The following CTC1 variants were observed in gnomAD, a reference collection of about 807,000 sequenced individuals.
CTC1 encodes CST telomere replication complex component 1.
Under a neutral mutation model 136.3 loss-of-function variants are expected in CTC1, and 91 were observed. That is an observed-to-expected ratio of 0.67 (90% CI 0.56 to 0.79). CTC1 has a LOEUF of 0.79. Ranked by LOEUF, CTC1 falls within the 30% of genes least tolerant of loss-of-function variation. CTC1 has a pLI of 0.00. For missense variants in CTC1, 1,432 were observed against 1,498.1 expected (o/e 0.96, Z 0.73); for synonymous variants, 606 against 613.8 (o/e 0.99, Z 0.19).
chr17:8,231,856 G>A (rs1841030856), intron 13 of CTC1, 41 bp from the exon 14 acceptor site: 1 of 1,613,176 alleles, frequency 6.2e-7, no homozygotes, highest in African/African-American at 1.3e-5. Context: ...CCTAGCCAGA[G>A]GCTCAGGGCG....
rs779283535 is a variant in CTC1 at position 8,235,217 on chromosome 17, G to A, written c.1275C>T (p.Leu425=). 3 of 1,614,146 alleles carry A rather than the reference G, an allele frequency of 1.9e-6. No homozygotes were observed. The highest frequency in any genetic ancestry group is 2.5e-6 in the Non-Finnish European group (3 of 1,180,028). The stretch of plus-strand genomic sequence containing the variant: ...AGCTTTGAAGCAGAACGGCGCCACG[G>A]AGGCAGGGGGCGAGCACTGGCCTTC... The part of the protein sequence containing the change: ...GTRRPVLAPC[L]RGAVLLQSFS... Residue 425 remains leucine, a synonymous_variant, in exon 8 of 23, where the codon CTC becomes CTT. Coordinates refer to ENST00000651323, the MANE Select transcript of CTC1 (RefSeq NM_025099.6).
chr17:8,247,966 A>T (rs1988907383), intron 1 of CTC1, 38 bp downstream of exon 1: 1 of 1,601,448 alleles, frequency 6.2e-7, no homozygotes, highest in African/African-American at 1.3e-5. Context: ...TGTGACAAAC[A>T]AGAAAAAAGG....
In CTC1 at chr17:8,227,061, G is replaced by C. The variant is rs1278083858; in HGVS notation, c.*1119C>G. ...CACGCTCTAACCAACTGAGCTAACC[G>C]GCCACTAACTTTCCGGGTCTACTTC... On this transcript the variant is annotated 3_prime_UTR_variant, in exon 23 of 23. Transcript: ENST00000651323. 6.6e-6 allele frequency: 1 copy of C among 150,814 alleles called. No homozygotes were observed. Among genetic ancestry groups the C allele is most frequent in the African/African-American group, 2.5e-5 (1 of 39,970 alleles). 9.3% of individuals were successfully genotyped at this position (150,814 alleles called of 1,614,324 possible). A position where few individuals can be genotyped will look rare whatever the true frequency, so the allele number is the denominator to read the frequency against.
At chr17:8,233,630 G>A (rs1311290611) in intron 10 of CTC1, among the ~76,000 whole-genome samples, 3 of 152,184 alleles carry the variant, frequency 2.0e-5, no homozygotes, top group Admixed American at 6.5e-5. Flanking sequence ...TTAGCTGGAT[G>A]TGGTGATGGA....
chr17:8,241,937 CTACAT>C (rs779865755), intron 2 of CTC1, among the ~76,000 whole-genome samples: 2 of 151,032 alleles, frequency 1.3e-5, no homozygotes, highest in Non-Finnish European at 2.9e-5. Context: ...ATGCAAAACT[CTACAT>C]TATATTGCTT....
rs1453814801 is a variant in CTC1, at chr17:8,233,316, G to A, written c.1819-284C>T. 2.9e-5 allele frequency: 9 copies of A among 314,454 alleles called. No homozygotes were observed. In the East Asian group the frequency reaches 6.2e-4, roughly 21 times the overall value. The allele number at this position is 314,454 out of a possible 1,614,324, so 19.5% of individuals were successfully genotyped here. On this transcript the variant is annotated intron_variant, in intron 10 of 22. Coordinates refer to ENST00000651323, the MANE Select transcript of CTC1 (RefSeq NM_025099.6). ...TGAGACGTTTGATTTTACTTTATAT[G>A]CACTGGGAGGCACGCAAAGAATTTA...
intron 14 of CTC1, 114 bp from the exon 15 acceptor site, chr17:8,231,583 C>T (rs938477455): frequency 8.1e-7 from 1 of 1,231,826 alleles, no homozygotes; most frequent in African/African-American, 1.5e-5. Context: ...GGAAGTGTGT[C>T]AACACACACA....
chr17:8,233,142 G>C, intron 10 of CTC1, 110 bp from the exon 11 acceptor site: 17 of 1,251,370 alleles, frequency 1.4e-5, no homozygotes, highest in Middle Eastern at 2.0e-4. Flanking sequence ...GAACAAAAAA[G>C]ACACGTCTCT....
Position 8,228,330 on chromosome 17 carries a change from AAG to A in CTC1, c.3515-13_3515-12del. 1 of 1,613,122 alleles carries A rather than the reference AAG, an allele frequency of 6.2e-7. No individual in the cohort carries two copies. Among genetic ancestry groups the A allele is most frequent in the Non-Finnish European group, 8.5e-7 (1 of 1,179,344 alleles). ...GTAGCCGAGGAGGTTCTGAGGTGGG[AAG>A]AGAGGAAAAACACACGTCTCAGGCA... On this transcript the variant is annotated splice_polypyrimidine_tract_variant and intron_variant, in intron 22 of 22. Transcript: ENST00000651323.
chr17:8,243,209 A>G, intron 1 of CTC1, 61 bp from the exon 2 acceptor site: 2 of 1,521,316 alleles, frequency 1.3e-6, no homozygotes, highest in Non-Finnish European at 8.9e-7. Flanking sequence ...GAAACTTGGG[A>G]AGAATAAAGG....
intron 18 of CTC1, 74 bp from the exon 19 acceptor site, chr17:8,229,520 G>C (rs1174251885): frequency 8.0e-6 from 11 of 1,378,726 alleles, no homozygotes; most frequent in Non-Finnish European, 1.0e-5. Context: ...AAGCAGGGTG[G>C]GTCTAGAAGG....
chr17:8,235,012 A>G (rs1016230696), intron 8 of CTC1, 41 bp downstream of exon 8: 6 of 1,608,228 alleles, frequency 3.7e-6, no homozygotes, highest in Non-Finnish European at 5.1e-6. Flanking sequence ...GAAGTGTGCT[A>G]CTCCCACTGC....
intron 18 of CTC1, 92 bp from the exon 19 acceptor site, chr17:8,229,538 G>A: frequency 6.1e-6 from 7 of 1,151,042 alleles, no homozygotes; most frequent in South Asian, 1.4e-5. Context: ...AGGACTTAGA[G>A]GGCATCAGGA....
rs749072233 is a variant in CTC1, at chr17:8,228,902, G to A, written c.3222-10C>T. On this transcript the variant is annotated splice_polypyrimidine_tract_variant and intron_variant, in intron 20 of 22. Coordinates refer to ENST00000651323, the MANE Select transcript of CTC1 (RefSeq NM_025099.6). The stretch of plus-strand genomic sequence containing the variant: ...ATCCTCCACCAGGAGCCTATGGGGA[G>A]CAGGAGGAAATAAAAACGCCTATAG... 9 of 1,599,390 alleles carry A rather than the reference G, an allele frequency of 5.6e-6. No individual in the cohort carries two copies. In the East Asian group the frequency reaches 1.3e-4, roughly 24 times the overall value.
intron 20 of CTC1, 44 bp downstream of exon 20, chr17:8,229,098 C>G: frequency 6.3e-7 from 1 of 1,595,160 alleles, no homozygotes; most frequent in Non-Finnish European, 8.6e-7. Flanking sequence ...ACAAAGTGGT[C>G]TCATAAGTAA....
intron 2 of CTC1, among the ~76,000 whole-genome samples, chr17:8,242,337 G>A (rs1370528168): frequency 8.6e-5 from 13 of 151,734 alleles, no homozygotes; most frequent in Non-Finnish European, 1.6e-4. Flanking sequence ...CTGGCCAATA[G>A]TGATTACTTC....
At chr17:8,237,942 T>A in intron 4 of CTC1, 89 bp downstream of exon 4, 4 of 1,015,298 alleles carry the variant, frequency 3.9e-6, no homozygotes, top group Non-Finnish European at 6.0e-6. Context: ...TATATTACTA[T>A]CAATGCCCTT....
chr17:8,231,101 A>G (rs1275715767), intron 15 of CTC1, among the ~76,000 whole-genome samples, 175 bp downstream of exon 15: 9 of 152,152 alleles, frequency 5.9e-5, no homozygotes, highest in Non-Finnish European at 1.2e-4. Context: ...AGATCAGGCC[A>G]TTGCACTCTG....
At position 8,228,720 on chromosome 17, in the gene CTC1, A is replaced by G; in HGVS notation, c.3387+7T>C. On this transcript the variant is annotated splice_region_variant and intron_variant, in intron 21 of 22. Coordinates refer to ENST00000651323, the MANE Select transcript of CTC1 (RefSeq NM_025099.6). The stretch of plus-strand genomic sequence containing the variant: ...ATCCGAGTCCCTCCCTCCCAGCCAC[A>G]TTACACCTCAAGTTGGGCTCCAGGC... The G allele has an allele frequency of 1.2e-6, 2 of 1,613,988 alleles. No individual in the cohort carries two copies. Among genetic ancestry groups the G allele is most frequent in the South Asian group, 1.1e-5 (1 of 91,064 alleles).
Sources: allele counts gnomAD v4.1 joint callset (sites outside exome capture counted in the v4.1 genomes callset), GRCh38; gene constraint gnomAD v4.1.1; transcripts MANE v1.5; gene names NCBI Gene and HGNC (gene_info 2026-07-23, HGNC 2026-07-21).